CUX1: variants seen among roughly 807,000 people sequenced by gnomAD.
CUX1 encodes protein CASP.
A neutral mutation model predicts 158.8 loss-of-function variants in CUX1; 31 were observed. That is an observed-to-expected ratio of 0.20 (90% confidence interval 0.15 to 0.26). The LOEUF is 0.26. Among genes scored for constraint, CUX1 ranks in the 10% least tolerant of loss-of-function variants. The pLI is 1.00. For synonymous variants in CUX1, 879 were observed against 862.1 expected (o/e 1.02, Z -0.34); for missense variants, 1,589 against 2,014.6 (o/e 0.79, Z 4.04).
At chr7:102,280,521 C>G (rs143502024) in intron 19 of CUX1, among the ~76,000 whole-genome samples, 149 of 152,348 alleles carry the variant, frequency 9.8e-4, no homozygotes, top group African/African-American at 1.3e-3. Context: ...TCCCCTCCCC[C>G]ACCCAGACTG....
chr7:101,816,096 C>G, upstream of CUX1: 1 of 1,370,998 alleles, frequency 7.3e-7, no homozygotes, highest in Non-Finnish European at 9.7e-7. Context: ...AGCTGCAGGT[C>G]AGGCTCCTCC....
chr7:101,939,055 ATACATATATATATAT>A (rs1554425383), intron 2 of CUX1, among the ~76,000 whole-genome samples: 1 of 77,488 alleles, frequency 1.3e-5, no homozygotes, highest in Admixed American at 1.8e-4. Flanking sequence ...AAAAAAAAAA[ATACATATATATATAT>A]ATATATATAT....
chr7:101,970,800 C>A (rs1434774164), intron 2 of CUX1, among the ~76,000 whole-genome samples: 1 of 152,172 alleles, frequency 6.6e-6, no homozygotes, highest in Non-Finnish European at 1.5e-5. Context: ...AGCTGACCCA[C>A]CTGCCTCAGC....
chr7:101,948,458 G>A (rs529775245), intron 2 of CUX1, among the ~76,000 whole-genome samples: 30 of 152,008 alleles, frequency 2.0e-4, no homozygotes, highest in Non-Finnish European at 3.2e-4. Context: ...TAATAAAGTC[G>A]AGCCTTTAAA....
chr7:102,191,196 C>CGA (rs1794234783), intron 12 of CUX1, among the ~76,000 whole-genome samples: 1 of 152,198 alleles, frequency 6.6e-6, no homozygotes, highest in African/African-American at 2.4e-5. Context: ...CTACATCCCT[C>CGA]TAACAGTTCC....
intron 1 of CUX1, among the ~76,000 whole-genome samples, chr7:101,900,439 A>G (rs1251144812): frequency 6.6e-6 from 1 of 151,390 alleles, no homozygotes; most frequent in Non-Finnish European, 1.5e-5. Context: ...AGGATGTTGT[A>G]AACCTCACTC....
intron 4 of CUX1, among the ~76,000 whole-genome samples, chr7:102,088,588 C>G (rs782610341): frequency 6.6e-6 from 1 of 151,996 alleles, no homozygotes; most frequent in Non-Finnish European, 1.5e-5. Flanking sequence ...GAGCTGAGAT[C>G]GTGCCGCTGC....
chr7:101,843,420 A>T (rs527440539), intron 1 of CUX1, among the ~76,000 whole-genome samples: 5 of 152,156 alleles, frequency 3.3e-5, no homozygotes, highest in African/African-American at 7.2e-5. Context: ...ACTTATTTTT[A>T]AAAAAGCTTT....
intron 20 of CUX1, among the ~76,000 whole-genome samples, chr7:102,218,682 T>C (rs1797481567): frequency 6.6e-6 from 1 of 151,708 alleles, no homozygotes. Context: ...GGTGAGACCA[T>C]GTCTCAAGAA....
intron 2 of CUX1, among the ~76,000 whole-genome samples, chr7:101,989,349 G>A (rs1043272304): frequency 2.0e-5 from 3 of 152,362 alleles, no homozygotes; most frequent in South Asian, 4.1e-4. Context: ...GTGGCTGACC[G>A]TGTGCCGAGG....
At chr7:102,189,903 C>G in intron 12 of CUX1, 32 bp downstream of exon 12, 3 of 1,608,766 alleles carry the variant, frequency 1.9e-6, no homozygotes, top group Non-Finnish European at 2.6e-6. Flanking sequence ...GCCCCTCACA[C>G]GCTGGGGCGC....
At chr7:101,895,921 T>TG (rs1801457789) in intron 1 of CUX1, among the ~76,000 whole-genome samples, 1 of 125,160 alleles carries the variant, frequency 8.0e-6, no homozygotes, top group South Asian at 2.6e-4. Context: ...TTTTTTTTTT[T>TG]TTTTTGGAGA....
At position 101,939,561 on chromosome 7, in the gene CUX1, G is replaced by A. The variant is rs117826041; in HGVS notation, c.141+23336G>A. 3.0e-3 allele frequency among the ~76,000 whole-genome samples: 450 copies of A among 152,208 alleles called. 1 individual carries two copies. Among genetic ancestry groups the A allele is most frequent in the Non-Finnish European group, 4.8e-3 (329 of 68,014 alleles). On this transcript the variant is annotated intron_variant, in intron 2 of 23. Coordinates refer to ENST00000292535, the MANE Select transcript of CUX1 (RefSeq NM_181552.4). ...AGAAGGAGGTTTTGGGCCAGGTGCAGTGGTTCATGCCTGTAATCCCAGTAC... is the reference window on the plus strand; with the variant it reads ...AGAAGGAGGTTTTGGGCCAGGTGCAATGGTTCATGCCTGTAATCCCAGTAC...
intron 19 of CUX1, chr7:102,280,667 G>A (rs1791993653): frequency 2.6e-6 from 2 of 763,608 alleles, no homozygotes; most frequent in Non-Finnish European, 4.3e-6. Context: ...GCCCCTGGCA[G>A]CACCCTGGCA....
chr7:102,108,736 T>TTGTGTGTGTGTGTGTGTGTGTGTG (rs10527026), intron 6 of CUX1, among the ~76,000 whole-genome samples: 162 of 145,056 alleles, frequency 1.1e-3, no homozygotes, highest in African/African-American at 2.6e-3. Context: ...TTCATTCATT[T>TTGTGTGTGTGTGTGTGTGTGTGTG]TGTGTGTGTG....
chr7:102,072,072 G>A (rs931839585), intron 4 of CUX1, among the ~76,000 whole-genome samples: 7 of 152,216 alleles, frequency 4.6e-5, no homozygotes, highest in Admixed American at 3.3e-4. Context: ...CCACTGGAGG[G>A]TGTCCAGGTT....
chr7:102,173,435 G>A (rs549755444), intron 10 of CUX1, among the ~76,000 whole-genome samples: 8 of 152,182 alleles, frequency 5.3e-5, no homozygotes, highest in Admixed American at 2.0e-4. Flanking sequence ...AGGCCATCAC[G>A]TCCTTCATAC....
At chr7:101,851,902 C>G (rs13224369) in intron 1 of CUX1, among the ~76,000 whole-genome samples, 425 of 151,322 alleles carry the variant, frequency 2.8e-3, no homozygotes, top group Non-Finnish European at 5.0e-3. Context: ...CATCATGGCT[C>G]TCTGCAACCT....
chr7:102,274,125 G>A (rs782438682), intron 15 of CUX1: 23 of 941,158 alleles, frequency 2.4e-5, no homozygotes, highest in South Asian at 1.1e-4. Context: ...CCTGCACCCC[G>A]GATGGCCCCA....
Sources: gnomAD v4.1 joint callset for allele counts (sites outside exome capture counted in the v4.1 genomes callset) on GRCh38, gnomAD v4.1.1 for gene constraint, MANE v1.5 for transcripts, NCBI Gene and HGNC (gene_info 2026-07-23, HGNC 2026-07-21) for gene names.